Variants in LUZP2 observed in about 807,000 individuals in gnomAD.
The protein encoded by LUZP2 is leucine zipper protein 2.
In LUZP2, 52 loss-of-function variants were observed where a neutral mutation model predicts 51.6. The ratio of observed to expected loss-of-function variants is 1.01; its 90% CI spans 0.81 to 1.27. The LOEUF (loss-of-function observed/expected upper bound fraction) is 1.27, where lower values mean the gene tolerates loss of function less well. LUZP2 is among the 50% of genes most tolerant of loss of function. The probability of loss-of-function intolerance (pLI) is 0.00; values close to 1 mark genes in which losing one functional copy is unlikely to be tolerated. For missense variants in LUZP2, 436 were observed against 395.4 expected (o/e 1.10, Z -0.87); for synonymous variants, 154 against 137.3 (o/e 1.12, Z -0.85).
intron 1 of LUZP2, among the ~76,000 whole-genome samples, chr11:24,726,182 A>G (rs1293629007): frequency 6.6e-6 from 1 of 152,226 alleles, no homozygotes; most frequent in Non-Finnish European, 1.5e-5. Flanking sequence ...AAGAAATACA[A>G]GTGGTAATCT....
chr11:24,986,624 A>G (rs1856196505), intron 9 of LUZP2, among the ~76,000 whole-genome samples: 2 of 151,438 alleles, frequency 1.3e-5, no homozygotes, highest in African/African-American at 4.8e-5. Context: ...AAAGTGACTA[A>G]CATTTTTTCT....
chr11:24,701,658 C>A (rs1211110462), intron 1 of LUZP2: 1 of 152,248 alleles, frequency 6.6e-6, no homozygotes, highest in Non-Finnish European at 1.5e-5. Context: ...ATTTTATAAA[C>A]GCAAGTTTGT....
chr11:24,817,299 G>A (rs1316445154), intron 5 of LUZP2, among the ~76,000 whole-genome samples: 4 of 151,952 alleles, frequency 2.6e-5, no homozygotes, highest in African/African-American at 4.8e-5. Flanking sequence ...TTTCGGACCC[G>A]GTGCTAGAGA....
chr11:25,024,641 TAAG>T (rs944892017), intron 9 of LUZP2, among the ~76,000 whole-genome samples: 20 of 151,428 alleles, frequency 1.3e-4, no homozygotes, highest in Admixed American at 3.3e-4. Flanking sequence ...CTCAACGAAA[TAAG>T]AGGACACAAA....
chr11:24,526,289 G>T (rs1278949563), intron 1 of LUZP2, among the ~76,000 whole-genome samples: 1 of 149,820 alleles, frequency 6.7e-6, no homozygotes, highest in South Asian at 2.1e-4. Flanking sequence ...GCTCAAGAGT[G>T]CATATTACTT....
At chr11:24,587,171 A>T (rs1361027216) in intron 1 of LUZP2, among the ~76,000 whole-genome samples, 1 of 152,102 alleles carries the variant, frequency 6.6e-6, no homozygotes, top group East Asian at 1.9e-4. Context: ...TGTACGTAGG[A>T]TCTCTACTCA....
chr11:24,999,169 T>G (rs1441142944), intron 9 of LUZP2, among the ~76,000 whole-genome samples: 2 of 152,184 alleles, frequency 1.3e-5, no homozygotes, highest in African/African-American at 4.8e-5. Context: ...CCTAAGAATT[T>G]TCACTTTCTA....
intron 5 of LUZP2, among the ~76,000 whole-genome samples, chr11:24,798,179 G>A (rs1305143919): frequency 2.0e-5 from 3 of 149,358 alleles, no homozygotes; most frequent in Non-Finnish European, 4.4e-5. Context: ...TTCTTTCTTT[G>A]AAGCTAGGGG....
At chr11:24,588,012 AAC>A (rs1425284484) in intron 1 of LUZP2, among the ~76,000 whole-genome samples, 3 of 152,156 alleles carry the variant, frequency 2.0e-5, no homozygotes, top group African/African-American at 7.2e-5. Flanking sequence ...TATGTAGAGA[AAC>A]ACAGAAAACT....
chr11:24,647,023 T>G (rs577830271), intron 1 of LUZP2, among the ~76,000 whole-genome samples: 1 of 152,154 alleles, frequency 6.6e-6, no homozygotes, highest in Non-Finnish European at 1.5e-5. Flanking sequence ...GTATTATTTA[T>G]TAAGAAGTTG....
chr11:25,017,278 A>G (rs1278447286), intron 9 of LUZP2, among the ~76,000 whole-genome samples: 1 of 152,132 alleles, frequency 6.6e-6, no homozygotes, highest in Non-Finnish European at 1.5e-5. Flanking sequence ...TAGTTTACCT[A>G]TATCCCACTT....
chr11:25,001,789 C>A (rs1856688179), intron 9 of LUZP2, among the ~76,000 whole-genome samples: 1 of 152,076 alleles, frequency 6.6e-6, no homozygotes, highest in African/African-American at 2.4e-5. Flanking sequence ...CTTTGTCTCT[C>A]TATCTCTTCC....
At chr11:24,799,035 T>A (rs553623086) in intron 5 of LUZP2, among the ~76,000 whole-genome samples, 100 of 152,280 alleles carry the variant, frequency 6.6e-4, no homozygotes, top group Non-Finnish European at 1.2e-3. Context: ...CTTCACTCAC[T>A]GTAGAGAAAG....
intron 5 of LUZP2, among the ~76,000 whole-genome samples, chr11:24,834,259 C>G (rs1850791459): frequency 6.6e-6 from 1 of 152,104 alleles, no homozygotes; most frequent in Admixed American, 6.5e-5. Context: ...CCTCACCCCC[C>G]AACAGGCCCC....
chr11:24,889,262 C>A (rs1280525134), intron 5 of LUZP2, among the ~76,000 whole-genome samples: 1 of 151,938 alleles, frequency 6.6e-6, no homozygotes, highest in Non-Finnish European at 1.5e-5. Flanking sequence ...GGGTGGGGGG[C>A]AAAAATATTT....
intron 1 of LUZP2, among the ~76,000 whole-genome samples, chr11:24,602,227 C>T (rs926150077): frequency 2.3e-4 from 26 of 112,072 alleles, no homozygotes; most frequent in African/African-American, 3.3e-4. Context: ...TATATATGTA[C>T]ATATATGTGT....
intron 6 of LUZP2, among the ~76,000 whole-genome samples, chr11:24,908,703 A>G (rs982279014): frequency 6.6e-6 from 1 of 151,880 alleles, no homozygotes; most frequent in Non-Finnish European, 1.5e-5. Context: ...TCTTTGCATA[A>G]TCTTTCCTGA....
chr11:25,012,472 T>G (rs1857014337), intron 9 of LUZP2, among the ~76,000 whole-genome samples: 1 of 152,182 alleles, frequency 6.6e-6, no homozygotes, highest in Non-Finnish European at 1.5e-5. Context: ...CCTGATGCAT[T>G]TTTACTTCCT....
chr11:24,833,420 T>C (rs1004043497), intron 5 of LUZP2, among the ~76,000 whole-genome samples: 2 of 151,986 alleles, frequency 1.3e-5, no homozygotes, highest in Non-Finnish European at 2.9e-5. Flanking sequence ...GTTGGAAAAA[T>C]ATTCGTGCAT....
Sources: gnomAD v4.1 joint callset for allele counts (sites outside exome capture counted in the v4.1 genomes callset) on GRCh38, gnomAD v4.1.1 for gene constraint, MANE v1.5 for transcripts, NCBI Gene and HGNC (gene_info 2026-07-23, HGNC 2026-07-21) for gene names.